CDKAL1: variants seen among roughly 807,000 people sequenced by gnomAD.
CDKAL1 encodes CDKAL1 threonylcarbamoyladenosine tRNA methylthiotransferase.
Under a neutral mutation model 68.2 loss-of-function variants are expected in CDKAL1, and 32 were observed. The ratio of observed to expected loss-of-function variants is 0.47; its 90% confidence interval spans 0.35 to 0.63. CDKAL1 has a LOEUF of 0.63. Ranked by LOEUF, CDKAL1 falls within the 30% of genes least tolerant of loss-of-function variation. The pLI is 0.00. For synonymous variants in CDKAL1, 234 were observed against 244.3 expected (o/e 0.96, Z 0.39); for missense variants, 606 against 696.7 (o/e 0.87, Z 1.47).
chr6:20,635,566 T>A (rs1261515241), intron 4 of CDKAL1, among the ~76,000 whole-genome samples: 1 of 152,252 alleles, frequency 6.6e-6, no homozygotes, highest in Non-Finnish European at 1.5e-5. Context: ...ATCCAAAATG[T>A]TGAATTTCCT....
intron 11 of CDKAL1, among the ~76,000 whole-genome samples, chr6:21,018,042 G>T (rs888052037): frequency 6.6e-6 from 1 of 152,060 alleles, no homozygotes; most frequent in Non-Finnish European, 1.5e-5. Context: ...TATGCTTGAG[G>T]CCATAAATTG....
At chr6:21,043,559 A>G (rs1770053562) in intron 11 of CDKAL1, among the ~76,000 whole-genome samples, 1 of 152,238 alleles carries the variant, frequency 6.6e-6, no homozygotes, top group South Asian at 2.1e-4. Flanking sequence ...TACTTAAGAA[A>G]AAACTCATAT....
intron 9 of CDKAL1, among the ~76,000 whole-genome samples, chr6:20,923,432 CTATTA>C (rs68023207): frequency 0.11 from 16,147 of 152,100 alleles, 936 homozygotes; most frequent in African/African-American, 0.14. Flanking sequence ...CATGTTTTCA[CTATTA>C]TATTTATTAT....
chr6:21,023,966 C>T (rs775853378), intron 11 of CDKAL1, among the ~76,000 whole-genome samples: 8 of 152,098 alleles, frequency 5.3e-5, no homozygotes, highest in Non-Finnish European at 7.4e-5. Context: ...GGAAACTGTC[C>T]TTGGCTGAAG....
intron 11 of CDKAL1, among the ~76,000 whole-genome samples, chr6:21,034,953 T>A (rs141070765): frequency 6.6e-6 from 1 of 152,316 alleles, no homozygotes; most frequent in East Asian, 1.9e-4. Context: ...ACTTTTGAAA[T>A]CTTTTAATCT....
rs111451408 is a variant in CDKAL1 at position 20,970,650 on chromosome 6, A to G, written c.909+15065A>G. Among the ~76,000 whole-genome samples, 274 of 152,304 alleles carry G rather than the reference A, an allele frequency of 1.8e-3. 4 individuals are homozygous for G. The highest frequency in any genetic ancestry group is 6.1e-3 in the African/African-American group (254 of 41,562). On this transcript the variant is annotated intron_variant, in intron 10 of 15. Coordinates refer to ENST00000274695, the MANE Select transcript of CDKAL1 (RefSeq NM_017774.3). ...CTTCCTCATAAAGCTTTTGAGGAAGAACTCATGTCATTAGCAGGTTATTGA... is the reference window on the plus strand; with the variant it reads ...CTTCCTCATAAAGCTTTTGAGGAAGGACTCATGTCATTAGCAGGTTATTGA...
At chr6:20,981,275 T>C (rs376296104) in intron 10 of CDKAL1, among the ~76,000 whole-genome samples, 17 of 152,332 alleles carry the variant, frequency 1.1e-4, no homozygotes, top group South Asian at 1.0e-3. Flanking sequence ...TTTGAATGTG[T>C]AATCATTGAA....
chr6:20,740,907 C>G (rs1773426646), intron 6 of CDKAL1, among the ~76,000 whole-genome samples: 1 of 152,124 alleles, frequency 6.6e-6, no homozygotes, highest in African/African-American at 2.4e-5. Context: ...CTAACTTTCT[C>G]TATAAACATA....
intron 5 of CDKAL1, among the ~76,000 whole-genome samples, chr6:20,679,457 T>TC (rs150877658): frequency 1.3e-5 from 2 of 152,170 alleles, no homozygotes; most frequent in African/African-American, 2.4e-5. Context: ...CAATTAATAT[T>TC]CCCCCCTGTA....
intron 13 of CDKAL1, among the ~76,000 whole-genome samples, chr6:21,120,208 G>C (rs1251694095): frequency 6.6e-6 from 1 of 152,192 alleles, no homozygotes; most frequent in Admixed American, 6.5e-5. Flanking sequence ...TGGGGCAGGG[G>C]CCCCGTCTCC....
chr6:21,078,853 T>C (rs10080639), intron 12 of CDKAL1, among the ~76,000 whole-genome samples: 87,284 of 151,926 alleles, frequency 0.57, 25,301 homozygotes, highest in East Asian at 0.68. Flanking sequence ...TTTTGGTGCT[T>C]ATTTATACCC....
chr6:21,036,092 G>A (rs555162173), intron 11 of CDKAL1, among the ~76,000 whole-genome samples: 3 of 152,258 alleles, frequency 2.0e-5, no homozygotes, highest in South Asian at 2.1e-4. Context: ...GTTTTGGAGT[G>A]GAGAGCATGC....
intron 5 of CDKAL1, among the ~76,000 whole-genome samples, chr6:20,677,051 C>A (rs1770145580): frequency 6.6e-6 from 1 of 151,648 alleles, no homozygotes; most frequent in East Asian, 1.9e-4. Flanking sequence ...ATTATTTATG[C>A]CTTGTTTTTT....
At chr6:21,131,498 G>A (rs1253693067) in intron 13 of CDKAL1, among the ~76,000 whole-genome samples, 5 of 152,164 alleles carry the variant, frequency 3.3e-5, no homozygotes. Flanking sequence ...ATCATGTGGT[G>A]TGGTCGGTAT....
chr6:20,863,947 C>T (rs1425783181), intron 9 of CDKAL1, among the ~76,000 whole-genome samples: 1 of 152,058 alleles, frequency 6.6e-6, no homozygotes, highest in African/African-American at 2.4e-5. Context: ...AATGGTCTGA[C>T]CTTCATTTTA....
At chr6:20,625,146 T>C (rs1285811774) in intron 4 of CDKAL1, among the ~76,000 whole-genome samples, 2 of 152,106 alleles carry the variant, frequency 1.3e-5, no homozygotes, top group Non-Finnish European at 2.9e-5. Context: ...AATTACTCTA[T>C]TGGAGAAGGT....
chr6:21,111,470 C>CTCTT (rs1212819694), intron 13 of CDKAL1, among the ~76,000 whole-genome samples: 1 of 152,142 alleles, frequency 6.6e-6, no homozygotes, highest in Non-Finnish European at 1.5e-5. Flanking sequence ...GTTGTATTTG[C>CTCTT]TCTTCTTTCC....
chr6:20,930,189 A>G (rs1183435811), intron 9 of CDKAL1, among the ~76,000 whole-genome samples: 2 of 152,188 alleles, frequency 1.3e-5, no homozygotes, highest in Non-Finnish European at 2.9e-5. Flanking sequence ...AAGAGAAGTC[A>G]GTTGAAGTAG....
intron 11 of CDKAL1, among the ~76,000 whole-genome samples, chr6:21,011,574 C>T (rs1267601557): frequency 4.6e-5 from 7 of 152,092 alleles, no homozygotes; most frequent in Non-Finnish European, 8.8e-5. Flanking sequence ...TGGTAACTGT[C>T]TTTTAGGGAC....
Sources: gnomAD v4.1 joint callset for allele counts (sites outside exome capture counted in the v4.1 genomes callset) on GRCh38, gnomAD v4.1.1 for gene constraint, MANE v1.5 for transcripts, NCBI Gene and HGNC (gene_info 2026-07-23, HGNC 2026-07-21) for gene names.